KANK1: variants seen among roughly 807,000 people sequenced by gnomAD.
KANK1 encodes KN motif and ankyrin repeat domains 1, also known as KN motif and ankyrin repeat domain-containing protein 1.
In KANK1, 109 loss-of-function variants were observed where a neutral mutation model predicts 106.2. That is an observed-to-expected ratio of 1.03 (90% CI 0.88 to 1.20). The LOEUF is 1.20. KANK1 is among the 50% of genes most tolerant of loss of function. The probability of loss-of-function intolerance (pLI) is 0.00; values close to 1 mark genes in which losing one functional copy is unlikely to be tolerated. For synonymous variants in KANK1, 873 were observed against 652.2 expected, an observed-to-expected ratio of 1.34 and a Z score of -5.16; for missense variants, 2,399 against 1,710.7, an observed-to-expected ratio of 1.40 and a Z score of -7.10.
At chr9:518,335 AGCTCC>A (rs1391441136) in intron 1 of KANK1, among the ~76,000 whole-genome samples, 2 of 151,542 alleles carry the variant, frequency 1.3e-5, no homozygotes, top group Admixed American at 1.3e-4. Flanking sequence ...TCTGTATTTA[AGCTCC>A]GCTCCCAGGC....
At chr9:578,131 G>A (rs1821078954) in intron 1 of KANK1, among the ~76,000 whole-genome samples, 1 of 152,184 alleles carries the variant, frequency 6.6e-6, no homozygotes, top group African/African-American at 2.4e-5. Context: ...GGTTTAAAGG[G>A]CAGAACTGAG....
At chr9:731,121 G>A (rs373261250) in intron 4 of KANK1, 37 bp from the exon 5 acceptor site, 1 of 1,146,854 alleles carries the variant, frequency 8.7e-7, no homozygotes, top group Non-Finnish European at 1.3e-6. Flanking sequence ...ATGTATGGGT[G>A]TGAGTTTTCA....
chr9:644,896 G>A (rs1405366523), intron 1 of KANK1, among the ~76,000 whole-genome samples: 4 of 150,890 alleles, frequency 2.7e-5, no homozygotes, highest in Non-Finnish European at 4.4e-5. Context: ...CGAGGTGGGC[G>A]GATTGCCTGA....
At chr9:620,477 A>T (rs1832889511) in intron 1 of KANK1, among the ~76,000 whole-genome samples, 1 of 151,856 alleles carries the variant, frequency 6.6e-6, no homozygotes, top group South Asian at 2.1e-4. Flanking sequence ...ATTTCGGCTC[A>T]CGGCAACCTA....
At chr9:644,381 A>G (rs548239416) in intron 1 of KANK1, among the ~76,000 whole-genome samples, 3 of 151,134 alleles carry the variant, frequency 2.0e-5, no homozygotes, top group South Asian at 4.1e-4. Flanking sequence ...ACTGCTATAA[A>G]GAAATACTGG....
At chr9:581,112 C>T (rs1462730164) in intron 1 of KANK1, among the ~76,000 whole-genome samples, 9 of 152,150 alleles carry the variant, frequency 5.9e-5, no homozygotes. Flanking sequence ...GAACTCCTGG[C>T]CCGCGAGCGT....
chr9:727,182 A>C (rs1177118158), intron 3 of KANK1, among the ~76,000 whole-genome samples: 1 of 152,198 alleles, frequency 6.6e-6, no homozygotes, highest in Non-Finnish European at 1.5e-5. Flanking sequence ...AAACATGGAA[A>C]CAATAGCCTT....
At chr9:612,378 T>A (rs1474903003) in intron 1 of KANK1, among the ~76,000 whole-genome samples, 1 of 152,198 alleles carries the variant, frequency 6.6e-6, no homozygotes, top group African/African-American at 2.4e-5. Context: ...TCAACAGGAA[T>A]GAATGTAGTT....
chr9:514,207 TCTCC>T (rs1405483965), intron 1 of KANK1, among the ~76,000 whole-genome samples: 3 of 47,430 alleles, frequency 6.3e-5, no homozygotes, highest in African/African-American at 2.7e-4. Context: ...TCCCTCCCTC[TCTCC>T]CTCCCTCCCT....
chr9:695,238 G>C (rs964123924), intron 2 of KANK1, among the ~76,000 whole-genome samples: 2 of 152,178 alleles, frequency 1.3e-5, no homozygotes, highest in African/African-American at 4.8e-5. Flanking sequence ...CAGTGTGTTA[G>C]AGAGCACTGT....
intron 1 of KANK1, among the ~76,000 whole-genome samples, chr9:647,990 GGTT>G (rs1461480757): frequency 7.0e-6 from 1 of 142,292 alleles, no homozygotes; most frequent in East Asian, 2.0e-4. Context: ...CATTTCTGGG[GGTT>G]GTTATCTTTT....
chr9:571,578 A>AT (rs200350172), intron 1 of KANK1, among the ~76,000 whole-genome samples: 22,734 of 151,674 alleles, frequency 0.15, 1,866 homozygotes, highest in East Asian at 0.29. Context: ...AAAAAAAAAA[A>AT]TTTTAAAAAC....
chr9:517,347 C>G (rs2059327784), intron 1 of KANK1, among the ~76,000 whole-genome samples: 1 of 151,786 alleles, frequency 6.6e-6, no homozygotes, highest in Admixed American at 6.6e-5. Context: ...CATGATCTGC[C>G]TGCCTCGGCC....
chr9:734,711 C>G (rs1368080492), intron 6 of KANK1, 37 bp from the exon 7 acceptor site: 3 of 1,410,676 alleles, frequency 2.1e-6, no homozygotes, highest in Non-Finnish European at 3.0e-6. Flanking sequence ...TGATTTTCTT[C>G]TTGTGACCAA....
intron 1 of KANK1, among the ~76,000 whole-genome samples, chr9:653,299 G>C (rs956845545): frequency 2.0e-5 from 3 of 152,058 alleles, no homozygotes; most frequent in Non-Finnish European, 2.9e-5. Flanking sequence ...GCGGTTCCCA[G>C]GCTCGTGGTC....
intron 1 of KANK1, among the ~76,000 whole-genome samples, chr9:629,164 C>G (rs984322728): frequency 4.6e-5 from 7 of 151,842 alleles, no homozygotes; most frequent in African/African-American, 1.7e-4. Flanking sequence ...AGTGAGATCT[C>G]AGATCTGATA....
intron 1 of KANK1, among the ~76,000 whole-genome samples, chr9:528,453 C>T (rs1369550288): frequency 1.4e-5 from 2 of 138,668 alleles, no homozygotes; most frequent in Non-Finnish European, 1.6e-5. Context: ...AACCATTTTA[C>T]TGAATTAAAA....
intron 1 of KANK1, among the ~76,000 whole-genome samples, chr9:618,172 AT>A (rs755992380): frequency 1.4e-4 from 22 of 152,188 alleles, no homozygotes; most frequent in Admixed American, 3.3e-4. Context: ...TATGGCATTC[AT>A]TGAAGAAAAT....
chr9:562,076 C>T (rs1057262634), intron 1 of KANK1, among the ~76,000 whole-genome samples: 8 of 121,584 alleles, frequency 6.6e-5, no homozygotes, highest in East Asian at 2.3e-4. Context: ...GACGGAGTCT[C>T]GCTCTGTCGC....
Sources: gnomAD v4.1 joint callset for allele counts (sites outside exome capture counted in the v4.1 genomes callset) on GRCh38, gnomAD v4.1.1 for gene constraint, MANE v1.5 for transcripts, NCBI Gene and HGNC (gene_info 2026-07-23, HGNC 2026-07-21) for gene names.